Variants in NINJ2 observed in about 807,000 individuals in gnomAD.
NINJ2 encodes the protein ninjurin-2.
Under a neutral mutation model 11.7 loss-of-function variants are expected in NINJ2, and 12 were observed. That is an observed-to-expected ratio of 1.02 (90% CI 0.66 to 1.66). The LOEUF (loss-of-function observed/expected upper bound fraction) is 1.66. Ranked by LOEUF, NINJ2 falls within the 40% of genes most tolerant of loss-of-function variation. The pLI is 0.00. For synonymous variants in NINJ2, 93 were observed against 76.8 expected, an observed-to-expected ratio of 1.21 and a Z score of -1.10; for missense variants, 187 against 181.8, an observed-to-expected ratio of 1.03 and a Z score of -0.16.
chr12:646,779 C>A (rs556391241), intron 1 of NINJ2, among the ~76,000 whole-genome samples: 3 of 152,134 alleles, frequency 2.0e-5, no homozygotes, highest in African/African-American at 4.8e-5. Context: ...ACTCCACACC[C>A]GAGGCACAAG....
At chr12:654,641 C>T (rs1182858060) in intron 1 of NINJ2, among the ~76,000 whole-genome samples, 1 of 150,616 alleles carries the variant, frequency 6.6e-6, no homozygotes, top group Non-Finnish European at 1.5e-5. Flanking sequence ...CGCCTTTAAC[C>T]CTAGCACTTT....
chr12:641,529 T>A (rs7307242), intron 1 of NINJ2, among the ~76,000 whole-genome samples: 45,109 of 152,022 alleles, frequency 0.3, 6,764 homozygotes, highest in Non-Finnish European at 0.33. Context: ...CTAGCTCTGA[T>A]AAGACTCTTG....
chr12:579,893 T>C (rs1123528), intron 1 of NINJ2, among the ~76,000 whole-genome samples: 57,209 of 152,076 alleles, frequency 0.38, 11,544 homozygotes, highest in African/African-American at 0.49. Flanking sequence ...TGGAGATCTG[T>C]CTCAGTCACG....
chr12:609,191 A>T lies in NINJ2; in HGVS notation c.34-43013T>A, dbSNP rs58384661. Among the ~76,000 whole-genome samples, 672 of 112,846 alleles carry T rather than the reference A, an allele frequency of 6.0e-3. 42 individuals are homozygous for T. The highest frequency in any genetic ancestry group is 8.9e-3 in the Non-Finnish European group (494 of 55,812). 74.0% of individuals were successfully genotyped at this position (112,846 alleles called of 152,430 possible). A position where few individuals can be genotyped will look rare whatever the true frequency, so the allele number is the denominator to read the frequency against. ...GCACGGCGCCACGCGCTAGGTGCTGAACGCACACGCACGGCGCCACGCGCT... is the reference window on the plus strand; with the variant it reads ...GCACGGCGCCACGCGCTAGGTGCTGTACGCACACGCACGGCGCCACGCGCT... On this transcript the variant is annotated intron_variant, in intron 1 of 3. Transcript: ENST00000305108.
At chr12:648,440 A>T (rs1937726049) in intron 1 of NINJ2, among the ~76,000 whole-genome samples, 1 of 152,214 alleles carries the variant, frequency 6.6e-6, no homozygotes, top group South Asian at 2.1e-4. Context: ...TGCCATGAAG[A>T]TTCTAAGGCC....
rs34166160 is a variant in NINJ2, at chr12:623,339, C to A, written c.33+39989G>T. ...TCTCCCAGCCTCTGTCCCCCTCCCCCACTGCTACCCGAGCAGCTCTCCCTT... is the reference window on the plus strand; with the variant it reads ...TCTCCCAGCCTCTGTCCCCCTCCCCAACTGCTACCCGAGCAGCTCTCCCTT... On this transcript the variant is annotated intron_variant, in intron 1 of 3. Transcript: ENST00000305108. Among the ~76,000 whole-genome samples, 1,289 of 152,290 alleles carry A rather than the reference C, an allele frequency of 8.5e-3. 8 individuals carry two copies. Among genetic ancestry groups the A allele is most frequent in the Non-Finnish European group, 0.013 (886 of 68,006 alleles).
intron 1 of NINJ2, chr12:610,662 C>T (rs924985094): frequency 2.0e-6 from 2 of 983,910 alleles, no homozygotes; most frequent in Admixed American, 1.2e-4. Flanking sequence ...AAGGAGACAA[C>T]TTCAACTCAA....
intron 1 of NINJ2, among the ~76,000 whole-genome samples, chr12:582,461 G>C (rs1292207913): frequency 8.1e-6 from 1 of 122,740 alleles, no homozygotes; most frequent in Non-Finnish European, 1.6e-5. Flanking sequence ...AGGCAGGCAG[G>C]CATGCTAGTG....
chr12:564,922 T>A (rs1246928200), intron 3 of NINJ2, among the ~76,000 whole-genome samples: 2 of 152,202 alleles, frequency 1.3e-5, no homozygotes, highest in Non-Finnish European at 2.9e-5. Flanking sequence ...AAATTCCCCA[T>A]CTCCACCTTT....
chr12:565,179 G>A, intron 3 of NINJ2, 38 bp downstream of exon 3: 1 of 1,535,476 alleles, frequency 6.5e-7, no homozygotes, highest in South Asian at 1.2e-5. Flanking sequence ...GGCCACCTGG[G>A]GAGTCCCTGG....
intron 1 of NINJ2, among the ~76,000 whole-genome samples, chr12:592,759 C>G (rs1357420445): frequency 6.6e-6 from 1 of 152,160 alleles, no homozygotes; most frequent in Admixed American, 6.5e-5. Flanking sequence ...GCAGAACATA[C>G]TAAGGAATGT....
At chr12:593,367 C>T (rs572797392) in intron 1 of NINJ2, among the ~76,000 whole-genome samples, 8 of 152,110 alleles carry the variant, frequency 5.3e-5, no homozygotes, top group Non-Finnish European at 7.4e-5. Context: ...ACAGGCAGGG[C>T]GCAGTGGCTC....
intron 1 of NINJ2, among the ~76,000 whole-genome samples, chr12:587,234 G>A (rs1018378940): frequency 6.6e-5 from 10 of 152,112 alleles, no homozygotes; most frequent in Admixed American, 1.3e-4. Flanking sequence ...TCACCAGGAC[G>A]GGCTGCAAAC....
At chr12:606,096 T>G (rs1947938593) in intron 1 of NINJ2, among the ~76,000 whole-genome samples, 1 of 152,210 alleles carries the variant, frequency 6.6e-6, no homozygotes, top group South Asian at 2.1e-4. Context: ...TGTCTAGAAC[T>G]CCTGGCCTCA....
rs757858738 is a variant in NINJ2 at position 565,430 on chromosome 12, G to A, written c.263-29C>T. On this transcript the variant is annotated intron_variant, in intron 2 of 3. Transcript: ENST00000305108. ...CAGGGAAGTGGAGTGGGGGGAAAGG[G>A]TCAGAGACGGGGCCACAGCACGGAG... is the stretch of plus-strand genomic sequence containing the variant. 88 of 1,608,228 alleles carry A rather than the reference G, an allele frequency of 5.5e-5. 1 individual carries two copies. The highest frequency in any genetic ancestry group is 8.0e-5 in the African/African-American group (6 of 74,878).
intron 1 of NINJ2, among the ~76,000 whole-genome samples, chr12:604,458 T>A (rs1947911770): frequency 6.6e-6 from 1 of 151,962 alleles, no homozygotes; most frequent in African/African-American, 2.4e-5. Flanking sequence ...GTCAACATGG[T>A]GAAACCCCGT....
chr12:593,480 C>T (rs568608074), intron 1 of NINJ2, among the ~76,000 whole-genome samples: 1 of 152,254 alleles, frequency 6.6e-6, no homozygotes, highest in Non-Finnish European at 1.5e-5. Flanking sequence ...CACTGTGGGA[C>T]GCTGAGGTAG....
At chr12:567,733 C>T (rs1452406508) in intron 1 of NINJ2, among the ~76,000 whole-genome samples, 7 of 152,122 alleles carry the variant, frequency 4.6e-5, no homozygotes, top group African/African-American at 1.2e-4. Context: ...AGGCTGGGTG[C>T]AGTGGCTCAT....
At chr12:608,009 A>C (rs1232490052) in intron 1 of NINJ2, among the ~76,000 whole-genome samples, 1 of 152,134 alleles carries the variant, frequency 6.6e-6, no homozygotes, top group African/African-American at 2.4e-5. Context: ...GCTTAAAAGG[A>C]AATGTGCGCT....
Sources: allele counts gnomAD v4.1 joint callset (sites outside exome capture counted in the v4.1 genomes callset), GRCh38; gene constraint gnomAD v4.1.1; transcripts MANE v1.5; gene names NCBI Gene and HGNC (gene_info 2026-07-23, HGNC 2026-07-21).